Variants in MYT1L observed in about 807,000 individuals in gnomAD.
MYT1L encodes the protein myelin transcription factor 1-like protein.
MYT1L carries 12 observed loss-of-function variants against 126.7 expected under a neutral mutation model. The observed-to-expected ratio is 0.09, with a 90% confidence interval of 0.06 to 0.15. MYT1L has a LOEUF of 0.15. Ranked by LOEUF, MYT1L falls within the 10% of genes least tolerant of loss-of-function variation. MYT1L has a pLI of 1.00. For synonymous variants in MYT1L, 541 were observed against 604.2 expected, an observed-to-expected ratio of 0.90 and a Z score of 1.53; for missense variants, 979 against 1,585.2, an observed-to-expected ratio of 0.62 and a Z score of 6.49.
intron 1 of MYT1L, among the ~76,000 whole-genome samples, chr2:2,284,729 CAG>C (rs2095493265): frequency 6.6e-6 from 1 of 151,966 alleles, no homozygotes; most frequent in Non-Finnish European, 1.5e-5. Context: ...TTTTTTGAGA[CAG>C]AGTCTTGCTC....
In MYT1L at chr2:1,848,908, C is replaced by T. The variant is rs918806840; in HGVS notation, c.2774+2733G>A. 1.7e-4 allele frequency among the ~76,000 whole-genome samples: 26 copies of T among 152,248 alleles called. No individual in the cohort carries two copies. The highest frequency in any genetic ancestry group is 1.0e-3 in the South Asian group (5 of 4,824). On this transcript the variant is annotated intron_variant, in intron 19 of 24. Transcript: ENST00000647738. The surrounding 1 kb of genome is among the most constrained non-coding windows in gnomAD (Gnocchi z 4.8). ...GTCACAAGGTGCTCCACCTTCAGTA[C>T]GCTAAAACCCCGAGAGGGCTCTGTC...
chr2:1,865,437 G>C (rs537722546), intron 18 of MYT1L, among the ~76,000 whole-genome samples: 1 of 152,152 alleles, frequency 6.6e-6, no homozygotes, highest in Non-Finnish European at 1.5e-5. Context: ...TTGGTGTGGC[G>C]TGTGTTCAGA....
chr2:2,001,834 C>A (rs181573869), intron 4 of MYT1L, among the ~76,000 whole-genome samples: 21 of 152,276 alleles, frequency 1.4e-4, no homozygotes, highest in African/African-American at 5.1e-4. Context: ...CAACCTGGTA[C>A]CCCGGGGATT....
At chr2:1,963,837 C>A (rs1158501200) in intron 8 of MYT1L, among the ~76,000 whole-genome samples, 1 of 152,188 alleles carries the variant, frequency 6.6e-6, no homozygotes, top group Admixed American at 6.5e-5. Context: ...CTGGTTTGAT[C>A]TTCTATCTAG....
rs947182227 is a variant in MYT1L at position 1,916,739 on chromosome 2, T to C, written c.1618+466A>G. On this transcript the variant is annotated intron_variant, in intron 11 of 24. Coordinates refer to ENST00000647738, the MANE Select transcript of MYT1L (RefSeq NM_001303052.2). ...GACAGACTTTACAGGTGAAATGCAATAAAACTTCAGATCTAAATATGCATT... is the reference window on the plus strand; with the variant it reads ...GACAGACTTTACAGGTGAAATGCAACAAAACTTCAGATCTAAATATGCATT... 7.2e-5 allele frequency among the ~76,000 whole-genome samples: 11 copies of C among 152,276 alleles called. No homozygotes were observed. The East Asian group carries it at 1.5e-3, about 21-fold the overall frequency.
intron 3 of MYT1L, among the ~76,000 whole-genome samples, chr2:2,132,831 A>C (rs548069259): frequency 2.0e-5 from 3 of 152,328 alleles, no homozygotes; most frequent in African/African-American, 7.2e-5. Flanking sequence ...CTAAAAAATT[A>C]AGTCCTTTCA....
chr2:2,032,466 G>A (rs2066433643), intron 4 of MYT1L, among the ~76,000 whole-genome samples: 2 of 125,332 alleles, frequency 1.6e-5, no homozygotes, highest in African/African-American at 6.4e-5. Context: ...ATTCTAGAAG[G>A]AGGGCCTTAC....
chr2:2,235,737 C>T (rs566963514), intron 2 of MYT1L, among the ~76,000 whole-genome samples: 41 of 152,218 alleles, frequency 2.7e-4, no homozygotes, highest in South Asian at 1.7e-3. Flanking sequence ...GTACTAACTC[C>T]GGCTGACTGG....
chr2:2,139,576 T>C (rs559663040), intron 3 of MYT1L, among the ~76,000 whole-genome samples: 2 of 152,074 alleles, frequency 1.3e-5, no homozygotes, highest in South Asian at 2.1e-4. Context: ...GAGGCGAAGG[T>C]TGCAGTAAGC....
chr2:1,882,073 C>T (rs970808042), intron 18 of MYT1L, among the ~76,000 whole-genome samples: 2 of 152,194 alleles, frequency 1.3e-5, no homozygotes, highest in Non-Finnish European at 2.9e-5. Context: ...TGGGTCTAAG[C>T]ACCCCTTCCC....
intron 3 of MYT1L, among the ~76,000 whole-genome samples, chr2:2,066,313 T>C (rs546924040): frequency 1.3e-5 from 2 of 152,318 alleles, no homozygotes; most frequent in East Asian, 3.9e-4. Context: ...ACATTAATTC[T>C]TATAAACCTC....
chr2:2,263,165 A>G (rs894486489), intron 2 of MYT1L, among the ~76,000 whole-genome samples: 1 of 151,624 alleles, frequency 6.6e-6, no homozygotes, highest in Non-Finnish European at 1.5e-5. Flanking sequence ...ACAACATGCA[A>G]CTTCCTTTTT....
At chr2:2,216,723 T>C (rs60144672) in intron 2 of MYT1L, among the ~76,000 whole-genome samples, 48,535 of 151,910 alleles carry the variant, frequency 0.32, 8,140 homozygotes, top group African/African-American at 0.42. Context: ...AACAAAGTCA[T>C]ATGTTTGTTC....
chr2:2,199,416 C>T (rs1294868774), intron 2 of MYT1L, among the ~76,000 whole-genome samples: 4 of 152,150 alleles, frequency 2.6e-5, no homozygotes, highest in South Asian at 2.1e-4. Flanking sequence ...GTGTAGACTG[C>T]GTGAAATGCA....
intron 4 of MYT1L, among the ~76,000 whole-genome samples, chr2:2,017,690 A>G (rs775479797): frequency 2.0e-5 from 3 of 152,182 alleles, no homozygotes; most frequent in Non-Finnish European, 4.4e-5. Flanking sequence ...AATTATAAGT[A>G]TAATCCTATC....
intron 21 of MYT1L, among the ~76,000 whole-genome samples, chr2:1,833,034 C>T (rs1462203325): frequency 1.3e-5 from 2 of 152,198 alleles, no homozygotes; most frequent in African/African-American, 4.8e-5. Context: ...GAATGAATGA[C>T]ACGTCTGTCG....
chr2:2,064,731 AAGAC>A (rs1238908874), intron 3 of MYT1L, among the ~76,000 whole-genome samples: 4 of 152,242 alleles, frequency 2.6e-5, no homozygotes, highest in East Asian at 1.9e-4. Flanking sequence ...AATGTAGAAA[AAGAC>A]AGATATTTCT....
At chr2:2,325,690 A>G (rs1377115899) in intron 1 of MYT1L, 1 of 152,282 alleles carries the variant, frequency 6.6e-6, no homozygotes, top group Admixed American at 6.5e-5. Flanking sequence ...CATAAAGGCT[A>G]CTTTAGCACC....
intron 3 of MYT1L, among the ~76,000 whole-genome samples, chr2:2,119,911 C>T (rs188807874): frequency 1.6e-4 from 24 of 151,800 alleles, no homozygotes; most frequent in Admixed American, 2.6e-4. Flanking sequence ...ATTTGGTTTG[C>T]GGAAATATGA....
Sources: gnomAD v4.1 joint callset for allele counts (sites outside exome capture counted in the v4.1 genomes callset) on GRCh38, gnomAD v4.1.1 for gene constraint, Gnocchi (gnomAD v3.1) non-coding constraint, MANE v1.5 for transcripts, NCBI Gene and HGNC (gene_info 2026-07-23, HGNC 2026-07-21) for gene names.